Variants in FRMPD4 observed in about 807,000 individuals in gnomAD.
FRMPD4 encodes the protein FERM and PDZ domain-containing protein 4.
Under a neutral mutation model 94.1 loss-of-function variants are expected in FRMPD4, and 22 were observed. The observed-to-expected ratio is 0.23, with a 90% CI of 0.17 to 0.33. FRMPD4 has a LOEUF of 0.33. FRMPD4 is among the 10% of genes least tolerant of loss of function. The pLI is 1.00. For synonymous variants in FRMPD4, 631 were observed against 548.6 expected (o/e 1.15, Z -2.10); for missense variants, 1,111 against 1,339.9 (o/e 0.83, Z 2.67).
At position 12,675,424 on chromosome X, in the gene FRMPD4, T is replaced by TA. The variant is rs61184913; in HGVS notation, c.468+533dup. On this transcript the variant is annotated intron_variant, in intron 5 of 16. Transcript: ENST00000675598. ...TAAAAACTGGACAGTTCTTGTGATT[T>TA]AAAAAAAAAAAAAAAAACGACTTTA... 8.1e-3 allele frequency among the ~76,000 whole-genome samples: 731 copies of TA among 89,748 alleles called. 3 individuals are homozygous for TA. Among genetic ancestry groups the TA allele is most frequent in the Middle Eastern group, 0.017 (3 of 181 alleles). 77.9% of individuals were successfully genotyped at this position (89,748 alleles called of 115,157 possible).
intron 3 of FRMPD4, among the ~76,000 whole-genome samples, chrX:12,114,382 C>T (rs965889283): frequency 3.6e-5 from 4 of 111,749 alleles, no homozygotes; most frequent in Admixed American, 1.9e-4. Context: ...GCATCAAATA[C>T]GCATAAATTC....
chrX:12,310,056 A>C (rs1351189556), intron 1 of FRMPD4, among the ~76,000 whole-genome samples: 1 of 112,238 alleles, frequency 8.9e-6, no homozygotes, highest in African/African-American at 3.2e-5. Context: ...GAGACCACCG[A>C]ACAGGCTTTG....
chrX:12,196,645 A>T (rs2056570897), intron 1 of FRMPD4, among the ~76,000 whole-genome samples: 2 of 108,108 alleles, frequency 1.8e-5, no homozygotes, highest in Admixed American at 2.0e-4. Flanking sequence ...ATATATAAAA[A>T]ATATATTTAT....
At chrX:12,510,155 G>A (rs760521733) in intron 2 of FRMPD4, among the ~76,000 whole-genome samples, 11 of 112,009 alleles carry the variant, frequency 9.8e-5, no homozygotes, top group Admixed American at 1.9e-4. Context: ...TAATTTGTTG[G>A]TTTATGTACC....
At chrX:12,274,936 G>A (rs948547947) in intron 1 of FRMPD4, among the ~76,000 whole-genome samples, 5 of 112,041 alleles carry the variant, frequency 4.5e-5, no homozygotes, top group Non-Finnish European at 9.4e-5. Flanking sequence ...GTGAACCCGG[G>A]AGGCGGAGCT....
intron 3 of FRMPD4, among the ~76,000 whole-genome samples, chrX:11,968,975 C>T (rs1355103979): frequency 8.9e-6 from 1 of 112,418 alleles, no homozygotes; most frequent in African/African-American, 3.2e-5. Flanking sequence ...ATTTTACATA[C>T]CATCTCCACT....
At chrX:11,985,300 C>CA (rs1444106643) in intron 3 of FRMPD4, among the ~76,000 whole-genome samples, 1 of 111,459 alleles carries the variant, frequency 9.0e-6, no homozygotes, top group Non-Finnish European at 1.9e-5. Flanking sequence ...CACTCTGGGC[C>CA]AGAAAGGAAC....
At chrX:12,110,348 C>G (rs1209275158) in intron 3 of FRMPD4, among the ~76,000 whole-genome samples, 2 of 111,976 alleles carry the variant, frequency 1.8e-5, no homozygotes, top group Non-Finnish European at 3.8e-5. Context: ...ATGCAGAAAA[C>G]GTCTTTGACA....
At chrX:11,920,193 A>G (rs1307345117) in intron 3 of FRMPD4, among the ~76,000 whole-genome samples, 1 of 112,006 alleles carries the variant, frequency 8.9e-6, no homozygotes, top group African/African-American at 3.2e-5. Context: ...AATAAGGGGG[A>G]AAAAAGCCCA....
At chrX:12,514,917 G>A (rs751317629) in intron 2 of FRMPD4, among the ~76,000 whole-genome samples, 8 of 111,752 alleles carry the variant, frequency 7.2e-5, no homozygotes, top group Non-Finnish European at 1.1e-4. Context: ...TCTATTCAGG[G>A]ATTCAGCTTC....
At chrX:12,269,291 T>A (rs1168463115) in intron 1 of FRMPD4, among the ~76,000 whole-genome samples, 1 of 110,633 alleles carries the variant, frequency 9.0e-6, no homozygotes, top group African/African-American at 3.3e-5. Context: ...GCTTGGCTCA[T>A]TGGGTGATTT....
chrX:12,359,712 C>T (rs2055954825), intron 1 of FRMPD4, among the ~76,000 whole-genome samples: 1 of 111,785 alleles, frequency 8.9e-6, no homozygotes, highest in East Asian at 2.8e-4. Flanking sequence ...TCATGATCCA[C>T]CCGCCTTGGG....
intron 3 of FRMPD4, among the ~76,000 whole-genome samples, chrX:12,131,766 A>C (rs145611457): frequency 0.014 from 1,557 of 112,211 alleles, 32 homozygotes; most frequent in African/African-American, 0.047. Context: ...CCTCATATTT[A>C]GTAAGAATTA....
chrX:12,323,179 G>T (rs1323216499), intron 1 of FRMPD4, among the ~76,000 whole-genome samples: 1 of 111,646 alleles, frequency 9.0e-6, no homozygotes, highest in Non-Finnish European at 1.9e-5. Flanking sequence ...TTCTGGGTGG[G>T]GTAATTGAGA....
intron 1 of FRMPD4, among the ~76,000 whole-genome samples, chrX:11,832,840 A>G (rs188551416): frequency 1.4e-3 from 160 of 111,818 alleles, no homozygotes; most frequent in African/African-American, 4.9e-3. Context: ...ACATGGACAC[A>G]TCATCACCCA....
chrX:12,706,919 ATT>A lies in FRMPD4; in HGVS notation c.1287+6_1287+7del. ...TGTGTTCAAGGCAACATTAGTGGTA[ATT>A]TCTTTTTTTTTTTTTTTTTTGCTTT... On this transcript the variant is annotated splice_donor_5th_base_variant and intron_variant, in intron 12 of 16. Coordinates refer to ENST00000675598, the MANE Select transcript of FRMPD4 (RefSeq NM_001368397.1). 1.2e-6 allele frequency: 1 copy of A among 806,141 alleles called. No individual in the cohort carries two copies. The highest frequency in any genetic ancestry group is 1.8e-6 in the Non-Finnish European group (1 of 571,128). The allele number at this position is 806,141 out of a possible 1,213,427, so 66.4% of individuals were successfully genotyped here.
At position 11,825,510 on chromosome X, in the gene FRMPD4, T is replaced by G. The variant is rs535507459; in HGVS notation, c.-161+2795T>G. On this transcript the variant is annotated intron_variant, in intron 1 of 18. Transcript: ENST00000640291. ...TCAAAATGAGGATAATAAACTTACC[T>G]TATGAGGTTATGTAGGAGTGATTAT... Among the ~76,000 whole-genome samples the G allele has an allele frequency of 9.0e-5, 10 of 111,059 alleles. No homozygotes were observed. The South Asian group carries it at 3.8e-3, about 42-fold the overall frequency.
At chrX:12,584,502 C>G (rs746256723) in intron 2 of FRMPD4, among the ~76,000 whole-genome samples, 18 of 111,570 alleles carry the variant, frequency 1.6e-4, no homozygotes, top group African/African-American at 5.5e-4. Context: ...TGTTGAGGAA[C>G]TAGATAGTCA....
intron 1 of FRMPD4, among the ~76,000 whole-genome samples, chrX:12,369,270 A>G (rs143568492): frequency 0.016 from 1,800 of 109,676 alleles, 37 homozygotes; most frequent in African/African-American, 0.057. Context: ...GAATTCTTTA[A>G]TAGTTTATGA....
Sources: gnomAD v4.1 joint callset for allele counts (sites outside exome capture counted in the v4.1 genomes callset) on GRCh38, gnomAD v4.1.1 for gene constraint, MANE v1.5 for transcripts, NCBI Gene and HGNC (gene_info 2026-07-23, HGNC 2026-07-21) for gene names.